The following RP1L1 variants were observed in gnomAD, a reference collection of about 807,000 sequenced individuals.
RP1L1 encodes RP1 like 1.
RP1L1 carries 27 observed loss-of-function variants against 15.7 expected under a neutral mutation model. That is an observed-to-expected ratio of 1.72 (90% CI 1.27 to 2.38). The LOEUF (loss-of-function observed/expected upper bound fraction) is 2.38. RP1L1 is among the 30% of genes most tolerant of loss of function. RP1L1 has a pLI of 0.00. For synonymous variants in RP1L1, 1,813 were observed against 1,276.7 expected, an observed-to-expected ratio of 1.42 and a Z score of -8.96; for missense variants, 4,798 against 3,075.9, an observed-to-expected ratio of 1.56 and a Z score of -13.24.
rs148096182 is a variant in RP1L1 at position 10,650,396 on chromosome 8, G to C, written c.-20+4502C>G. On this transcript the variant is annotated intron_variant, in intron 1 of 3. Transcript: ENST00000382483. ...CGACCAAAGGGGCCAACAAGACACA[G>C]AGCGGCATCAGCCAGGGTGTTAAAT... 4.1e-3 allele frequency among the ~76,000 whole-genome samples: 628 copies of C among 152,284 alleles called. 4 individuals carry two copies. Among genetic ancestry groups the C allele is most frequent in the African/African-American group, 0.014 (571 of 41,536 alleles).
Position 10,612,059 on chromosome 8 carries a change from G to T in RP1L1, c.2039C>A (p.Ser680Tyr). ...CCTCGGCACTTGCTTGGTTACAGAG[G>T]AGTCCAGTGGGCTGTGGGTGTCCTT... ...YRKDTHSPLDSSVTKQVPRPP... is the reference protein window; with the variant it reads ...YRKDTHSPLDYSVTKQVPRPP... Residue 680 changes from serine to tyrosine, a missense_variant, in exon 4 of 4, where the codon TCC (serine) becomes TAC (tyrosine). By Grantham distance (144) the Ser-to-Tyr change is moderately radical (BLOSUM62 -2). Coordinates refer to ENST00000382483, the MANE Select transcript of RP1L1 (RefSeq NM_178857.6). 2 of 1,613,910 alleles carry T rather than the reference G, an allele frequency of 1.2e-6. No homozygotes were observed. Among genetic ancestry groups the T allele is most frequent in the Non-Finnish European group, 1.7e-6 (2 of 1,180,044 alleles).
At chr8:10,647,981 C>T (rs556873585) in intron 1 of RP1L1, among the ~76,000 whole-genome samples, 1 of 152,276 alleles carries the variant, frequency 6.6e-6, no homozygotes, top group East Asian at 1.9e-4. Flanking sequence ...AATCCAGATT[C>T]TCCACATCCT....
chr8:10,633,906 C>T (rs758425580), intron 1 of RP1L1, among the ~76,000 whole-genome samples: 2 of 152,108 alleles, frequency 1.3e-5, no homozygotes, highest in Non-Finnish European at 2.9e-5. Context: ...CTGAGAAAAC[C>T]GATTGACCGA....
intron 3 of RP1L1, among the ~76,000 whole-genome samples, chr8:10,614,875 G>A (rs568503961): frequency 2.6e-5 from 4 of 152,204 alleles, no homozygotes; most frequent in African/African-American, 9.6e-5. Flanking sequence ...GTATACATAT[G>A]TAACAAACCT....
At position 10,612,887 on chromosome 8, in the gene RP1L1, T is replaced by C. The variant is rs772681845; in HGVS notation, c.1211A>G (p.Lys404Arg). ...CAGGGGATTCGTCCAGATTTCATAC[T>C]TGGGCCCTGGCTGCCCGCCTCGGCC... ...VFGRGGQPGP[K>R]YEIWTNPLHA... Residue 404 changes from lysine to arginine, a missense_variant, in exon 4 of 4, where the codon AAG (lysine) becomes AGG (arginine). Lys to Arg is a conservative substitution (Grantham distance 26). Transcript: ENST00000382483. 6.2e-6 allele frequency: 10 copies of C among 1,612,698 alleles called. No individual in the cohort carries two copies. In the Admixed American group the frequency reaches 1.5e-4, roughly 24 times the overall value.
In RP1L1 at chr8:10,607,344, T is replaced by C. The variant is rs1453277465; in HGVS notation, c.6754A>G (p.Ser2252Gly). 6.2e-7 allele frequency: 1 copy of C among 1,614,134 alleles called. No homozygotes were observed. Among genetic ancestry groups the C allele is most frequent in the Non-Finnish European group, 8.5e-7 (1 of 1,179,974 alleles). Residue 2252 changes from serine to glycine, a missense_variant, in exon 4 of 4, where the codon AGC (serine) becomes GGC (glycine). By Grantham distance (56) the Ser-to-Gly change is moderately conservative. Coordinates refer to ENST00000382483, the MANE Select transcript of RP1L1 (RefSeq NM_178857.6). ...CCATCTCCTAGACTGACCTGAGGGC[T>C]CCCCTTTTTCTCACCTTGAGTTTCT... ...EGETQGEKKG[S>G]PQVSLGDGQS...
chr8:10,612,894 C>G lies in RP1L1; in HGVS notation c.1204G>C (p.Gly402Arg). Residue 402 changes from glycine to arginine, a missense_variant, in exon 4 of 4, where the codon GGG becomes CGG. Physicochemically the swap from Gly to Arg is moderately radical, Grantham distance 125. Transcript: ENST00000382483. ...REVFGRGGQP[G>R]PKYEIWTNPL... ...TTCGTCCAGATTTCATACTTGGGCC[C>G]TGGCTGCCCGCCTCGGCCAAAGACT... is the stretch of plus-strand genomic sequence containing the variant. 6.2e-7 allele frequency: 1 copy of G among 1,612,872 alleles called. No homozygotes were observed.
chr8:10,613,847 C>T (rs1797922432), intron 3 of RP1L1, among the ~76,000 whole-genome samples: 1 of 152,034 alleles, frequency 6.6e-6, no homozygotes, highest in Non-Finnish European at 1.5e-5. Context: ...TGACCATCCA[C>T]AGAGCTACCA....
intron 1 of RP1L1, among the ~76,000 whole-genome samples, chr8:10,640,161 A>G (rs1798386390): frequency 6.6e-6 from 1 of 152,324 alleles, no homozygotes; most frequent in South Asian, 2.1e-4. Flanking sequence ...ACACTGGCCC[A>G]AGGGGTAAAT....
chr8:10,620,457 T>C (rs936188530), intron 2 of RP1L1, among the ~76,000 whole-genome samples: 4 of 152,038 alleles, frequency 2.6e-5, no homozygotes, highest in Non-Finnish European at 2.9e-5. Context: ...AATACAAAAA[T>C]TAGCTGGGCA....
At chr8:10,631,234 C>T (rs373572946) in intron 1 of RP1L1, among the ~76,000 whole-genome samples, 12 of 151,810 alleles carry the variant, frequency 7.9e-5, no homozygotes, top group Middle Eastern at 3.4e-3. Context: ...AACGCACACA[C>T]GTACACACAT....
rs768812215 is a variant in RP1L1, at chr8:10,611,225, C to T, written c.2873G>A (p.Arg958His). Reference sequence around the variant, plus strand: ...TTCTGGAATGTTGTCCAGCCATTCGCGGACCACAGCCTCTGGAGACGAGCG... The same window carrying T: ...TTCTGGAATGTTGTCCAGCCATTCGTGGACCACAGCCTCTGGAGACGAGCG... ...LPRSSPEAVV[R>H]EWLDNIPEEP... Residue 958 changes from arginine (R) to histidine (H), a missense_variant, in exon 4 of 4, where the codon CGC (arginine) becomes CAC (histidine). By Grantham distance (29) the Arg-to-His change is conservative (BLOSUM62 0). Transcript: ENST00000382483. 3.5e-5 allele frequency: 56 copies of T among 1,612,872 alleles called. 1 individual carries two copies. The highest frequency in any genetic ancestry group is 9.9e-5 in the South Asian group (9 of 91,090).
At position 10,622,679 on chromosome 8, in the gene RP1L1, T is replaced by C. The variant is rs191773730; in HGVS notation, c.523A>G (p.Thr175Ala). 346 of 1,614,176 alleles carry C rather than the reference T, an allele frequency of 2.1e-4. 2 individuals carry two copies. The African/African-American group carries it at 4.3e-3, about 20-fold the overall frequency. ...CCGAGAAAGGCGGCCAGGTTCCTAGTATTCCTGTGACTGAGAACCACTGTC... is the reference window on the plus strand; with the variant it reads ...CCGAGAAAGGCGGCCAGGTTCCTAGCATTCCTGTGACTGAGAACCACTGTC... ...QQTVVLSHRN[T>A]RNLAAFLGKA... Residue 175 changes from threonine (T) to alanine (A), a missense_variant, in exon 2 of 4, where the codon ACT becomes GCT. Transcript: ENST00000382483.
chr8:10,627,140 C>T (rs539848771), intron 1 of RP1L1, among the ~76,000 whole-genome samples: 1 of 152,170 alleles, frequency 6.6e-6, no homozygotes, highest in South Asian at 2.1e-4. Flanking sequence ...TGGGTATCTC[C>T]CCAAAAGAAC....
In RP1L1 at chr8:10,609,708, C is replaced by T. The variant is rs767203938; in HGVS notation, c.4390G>A (p.Ala1464Thr). 3.7e-6 allele frequency: 6 copies of T among 1,613,146 alleles called. No homozygotes were observed. Among genetic ancestry groups the T allele is most frequent in the Non-Finnish European group, 8.5e-7 (1 of 1,179,688 alleles). Residue 1464 changes from alanine (A) to threonine (T), a missense_variant, in exon 4 of 4, where the codon GCC becomes ACC. Ala to Thr is a moderately conservative substitution (Grantham distance 58). Coordinates refer to ENST00000382483, the MANE Select transcript of RP1L1 (RefSeq NM_178857.6). ...PSHLSETDPS[A>T]SERQSGSQLE... ...TGGGAGCCACTCTGCCTCTCGCTGG[C>T]ACTTGGGTCCGTCTCGCTGAGATGA...
intron 1 of RP1L1, among the ~76,000 whole-genome samples, chr8:10,652,932 G>A (rs747088421): frequency 5.3e-5 from 8 of 152,118 alleles, no homozygotes; most frequent in East Asian, 1.9e-4. Context: ...AGGAAGGCTC[G>A]GTCTTTGGGG....
At chr8:10,614,430 C>A (rs1163143476) in intron 3 of RP1L1, among the ~76,000 whole-genome samples, 1 of 152,086 alleles carries the variant, frequency 6.6e-6, no homozygotes, top group Non-Finnish European at 1.5e-5. Context: ...GAGGCCGAGG[C>A]AGGCGGATCA....
chr8:10,626,251 A>C (rs1585984531), intron 1 of RP1L1, among the ~76,000 whole-genome samples: 1 of 148,032 alleles, frequency 6.8e-6, no homozygotes, highest in African/African-American at 2.4e-5. Context: ...AGGATGGGGG[A>C]GGCTGGGCTT....
intron 1 of RP1L1, among the ~76,000 whole-genome samples, chr8:10,633,802 A>G (rs1321603333): frequency 6.6e-6 from 1 of 152,208 alleles, no homozygotes; most frequent in African/African-American, 2.4e-5. Context: ...TATTGTAGGT[A>G]TACAATACAA....
Sources: allele counts gnomAD v4.1 joint callset (sites outside exome capture counted in the v4.1 genomes callset), GRCh38; gene constraint gnomAD v4.1.1; transcripts MANE v1.5; gene names NCBI Gene and HGNC (gene_info 2026-07-23, HGNC 2026-07-21).